The following BIN2 variants were observed in gnomAD, a reference collection of about 807,000 sequenced individuals.
BIN2 encodes the protein breast cancer associated protein BRAP1.
Under a neutral mutation model 67.9 loss-of-function variants are expected in BIN2, and 43 were observed. That is an observed-to-expected ratio of 0.63 (90% CI 0.50 to 0.82). The LOEUF is 0.82. Ranked by LOEUF, BIN2 falls within the 40% of genes least tolerant of loss-of-function variation. BIN2 has a pLI of 0.00. For synonymous variants in BIN2, 244 were observed against 246.8 expected, an observed-to-expected ratio of 0.99 and a Z score of 0.11; for missense variants, 581 against 671.6, an observed-to-expected ratio of 0.87 and a Z score of 1.49.
chr12:51,324,472 G>A, upstream of BIN2: 2 of 1,519,632 alleles, frequency 1.3e-6, no homozygotes, highest in East Asian at 2.5e-5. Context: ...GCCACCGCAG[G>A]GTAGAAAATG....
intron 1 of BIN2, among the ~76,000 whole-genome samples, chr12:51,315,962 CG>C (rs1946115201): frequency 6.6e-6 from 1 of 152,108 alleles, no homozygotes; most frequent in African/African-American, 2.4e-5. Context: ...CATCATCCTG[CG>C]AAGTCCAAGT....
At chr12:51,324,223 A>T (rs1946373177), upstream of BIN2, 7 of 1,473,762 alleles carry the variant, frequency 4.7e-6, no homozygotes, top group Non-Finnish European at 6.3e-6. Context: ...GAGCCACCTC[A>T]GGCCGCCCCT....
chr12:51,321,433 CTT>C (rs1946279423), intron 1 of BIN2, among the ~76,000 whole-genome samples: 1 of 151,518 alleles, frequency 6.6e-6, no homozygotes, highest in Non-Finnish European at 1.5e-5. Flanking sequence ...GAGTTTTGCT[CTT>C]GTTGCACAAG....
At position 51,302,458 on chromosome 12, in the gene BIN2, A is replaced by G. The variant is rs1945751330; in HGVS notation, c.312+228T>C. On this transcript the variant is annotated intron_variant, in intron 4 of 12. Coordinates refer to ENST00000615107, the MANE Select transcript of BIN2 (RefSeq NM_016293.4). ...GAGGTAAAACTTCCCATAATGTTTTAAAGAGGAGAAGAGGGTCAAAATTAG... is the reference window on the plus strand; with the variant it reads ...GAGGTAAAACTTCCCATAATGTTTTGAAGAGGAGAAGAGGGTCAAAATTAG... The G allele has an allele frequency of 1.8e-5, 10 of 550,360 alleles. No individual in the cohort carries two copies. In the South Asian group the frequency reaches 2.2e-4, roughly 12 times the overall value. The allele number at this position is 550,360 out of a possible 1,614,324, so 34.1% of individuals were successfully genotyped here.
chr12:51,314,082 C>G (rs1334680621), intron 1 of BIN2, among the ~76,000 whole-genome samples, 179 bp from the exon 2 acceptor site: 1 of 151,856 alleles, frequency 6.6e-6, no homozygotes, highest in East Asian at 1.9e-4. Flanking sequence ...GAGTCTCACT[C>G]TGTTGCCCAG....
At chr12:51,305,608 A>G (rs1446730153) in intron 2 of BIN2, among the ~76,000 whole-genome samples, 1 of 150,778 alleles carries the variant, frequency 6.6e-6, no homozygotes, top group Non-Finnish European at 1.5e-5. Flanking sequence ...TGGGCAACAG[A>G]ATGAAACTCC....
At chr12:51,324,252 C>T (rs557217367), upstream of BIN2, 804 of 1,429,144 alleles carry the variant, frequency 5.6e-4, no homozygotes, top group Non-Finnish European at 7.0e-4. Context: ...CTGAGGCCCG[C>T]CCCTCAGCCC....
At chr12:51,284,877 A>G in intron 11 of BIN2, 90 bp from the exon 12 acceptor site, 1 of 956,398 alleles carries the variant, frequency 1.0e-6, no homozygotes, top group Admixed American at 1.8e-5. Flanking sequence ...ATACTTTACA[A>G]GGGTCTCAGT....
At chr12:51,287,649 G>GTTTTTT (rs544875937) in intron 11 of BIN2, among the ~76,000 whole-genome samples, 1 of 139,934 alleles carries the variant, frequency 7.1e-6, no homozygotes. Flanking sequence ...CCTAGGAAAA[G>GTTTTTT]TTTTTTTTTT....
chr12:51,282,236 G>T (rs993501899), intron 12 of BIN2, among the ~76,000 whole-genome samples: 1 of 140,682 alleles, frequency 7.1e-6, no homozygotes, highest in African/African-American at 2.6e-5. Flanking sequence ...GCTGTATGTT[G>T]TGTATATGTG....
At chr12:51,293,658 A>G (rs1945454762) in intron 9 of BIN2, among the ~76,000 whole-genome samples, 2 of 152,214 alleles carry the variant, frequency 1.3e-5, no homozygotes, top group South Asian at 4.1e-4. Context: ...CAACAACCCA[A>G]TTGAAAAATG....
Position 51,291,842 on chromosome 12 carries a change from C to T in BIN2, c.1264G>A (p.Ala422Thr). ...GAGGAGGGCCTGGGGCTTGCAGTGG[C>T]TCTGGGTGGAGGAGGCCTACTAGGG... Reference protein sequence around the residue: ...APPSRPPPPRATASPRPSSGN... With the variant: ...APPSRPPPPRTTASPRPSSGN... Residue 422 changes from alanine to threonine, a missense_variant, in exon 10 of 13, where the codon GCC (alanine) becomes ACC (threonine). Coordinates refer to ENST00000615107, the MANE Select transcript of BIN2 (RefSeq NM_016293.4). 2 of 1,614,068 alleles carry T rather than the reference C, an allele frequency of 1.2e-6. No homozygotes were observed. The highest frequency in any genetic ancestry group is 1.7e-6 in the Non-Finnish European group (2 of 1,179,986).
chr12:51,324,184 C>T, upstream of BIN2: 2 of 1,559,046 alleles, frequency 1.3e-6, no homozygotes, highest in Non-Finnish European at 1.7e-6. Context: ...TGCGGGCTCC[C>T]GGCATGCCTC....
At chr12:51,298,864 T>A (rs1261513375) in intron 7 of BIN2, among the ~76,000 whole-genome samples, 1 of 151,038 alleles carries the variant, frequency 6.6e-6, no homozygotes, top group African/African-American at 2.4e-5. Context: ...AAGCCAGGAG[T>A]TCGAGACCAG....
intron 11 of BIN2, among the ~76,000 whole-genome samples, chr12:51,285,166 G>A (rs1945204855): frequency 6.6e-6 from 1 of 152,166 alleles, no homozygotes. Context: ...CCTCAAGAAT[G>A]TACTGCAACT....
In BIN2 at chr12:51,299,708, T is replaced by G; in HGVS notation, c.415A>C (p.Ile139Leu). The G allele has an allele frequency of 6.2e-7, 1 of 1,614,122 alleles. No individual in the cohort carries two copies. The stretch of plus-strand genomic sequence containing the variant: ...ACGAGTTTCCGACCCCGCTTGGCAA[T>G]TCTCTCCTGACCCAGGGTAATGAGA... ...VAQFSEIKER[I>L]AKRGRKLVDY... Residue 139 changes from isoleucine (I) to leucine (L), a missense_variant, in exon 6 of 13, where the codon ATT becomes CTT. Physicochemically the swap from Ile to Leu is conservative, Grantham distance 5. Coordinates refer to ENST00000615107, the MANE Select transcript of BIN2 (RefSeq NM_016293.4).
At chr12:51,324,614 A>G (rs929726241), upstream of BIN2, 49 of 1,339,558 alleles carry the variant, frequency 3.7e-5, 1 homozygote, top group Middle Eastern at 2.0e-4. Flanking sequence ...ACTGGTAGGG[A>G]TAGAGTGCAG....
At chr12:51,294,145 T>C (rs568929907) in intron 9 of BIN2, among the ~76,000 whole-genome samples, 57 of 152,170 alleles carry the variant, frequency 3.7e-4, no homozygotes, top group African/African-American at 1.3e-3. Flanking sequence ...GTAACAACTA[T>C]AGAAAGGAAA....
At chr12:51,321,009 G>A (rs1946265313) in intron 1 of BIN2, among the ~76,000 whole-genome samples, 1 of 146,564 alleles carries the variant, frequency 6.8e-6, no homozygotes, top group Non-Finnish European at 1.5e-5. Flanking sequence ...GTTGAGTTTG[G>A]GCGGGAAATG....
Sources: allele counts gnomAD v4.1 joint callset (sites outside exome capture counted in the v4.1 genomes callset), GRCh38; gene constraint gnomAD v4.1.1; transcripts MANE v1.5; gene names NCBI Gene and HGNC (gene_info 2026-07-23, HGNC 2026-07-21).